The following EXTL3 variants were observed in gnomAD, a reference collection of about 807,000 sequenced individuals.
The protein encoded by EXTL3 is exostosin like glycosyltransferase 3.
EXTL3 carries 27 observed loss-of-function variants against 69.3 expected under a neutral mutation model. The ratio of observed to expected loss-of-function variants is 0.39; its 90% CI spans 0.29 to 0.54. EXTL3 has a LOEUF of 0.54. Ranked by LOEUF, EXTL3 falls within the 20% of genes least tolerant of loss-of-function variation. The pLI is 0.69. For missense variants in EXTL3, 1,003 were observed against 1,231.8 expected, an observed-to-expected ratio of 0.81 and a Z score of 2.78; for synonymous variants, 511 against 499.4, an observed-to-expected ratio of 1.02 and a Z score of -0.31.
chr8:28,690,985 G>A (rs1800605954), intron 1 of EXTL3, among the ~76,000 whole-genome samples: 1 of 152,148 alleles, frequency 6.6e-6, no homozygotes, highest in African/African-American at 2.4e-5. Context: ...TATTGCAGGG[G>A]TGAAGTTGGG....
At chr8:28,713,197 A>G (rs1033454899) in intron 1 of EXTL3, among the ~76,000 whole-genome samples, 2 of 152,252 alleles carry the variant, frequency 1.3e-5, no homozygotes, top group African/African-American at 2.4e-5. Context: ...GCACATAAAT[A>G]GGTAACGTCT....
chr8:28,671,682 C>T (rs1158708427), intron 1 of EXTL3, among the ~76,000 whole-genome samples: 2 of 152,184 alleles, frequency 1.3e-5, no homozygotes. Context: ...TGGCTGCCCC[C>T]TTTAATCAAA....
chr8:28,672,210 G>T (rs536795471), intron 1 of EXTL3, among the ~76,000 whole-genome samples: 5 of 152,164 alleles, frequency 3.3e-5, no homozygotes, highest in African/African-American at 1.2e-4. Context: ...GAGGTCAGGA[G>T]ATCGAGACCA....
rs1033149740 is a variant in EXTL3 at position 28,751,002 on chromosome 8, G to C, written c.*136G>C. 1 of 742,212 alleles carries C rather than the reference G, an allele frequency of 1.3e-6. No homozygotes were observed. The highest frequency in any genetic ancestry group is 2.2e-6 in the Non-Finnish European group (1 of 445,186). 46.0% of individuals were successfully genotyped at this position (742,212 alleles called of 1,614,324 possible). On this transcript the variant is annotated 3_prime_UTR_variant, in exon 7 of 7. Coordinates refer to ENST00000220562, the MANE Select transcript of EXTL3 (RefSeq NM_001440.4). Reference sequence around the variant, plus strand: ...TCTGCTGGAAGGGGCAGCAGGAGGAGTGGAAGGAAACCGCTGCCTTTATCT... The same window carrying C: ...TCTGCTGGAAGGGGCAGCAGGAGGACTGGAAGGAAACCGCTGCCTTTATCT...
chr8:28,615,614 C>T (rs1055793576), intron 2 of EXTL3, among the ~76,000 whole-genome samples: 4 of 152,144 alleles, frequency 2.6e-5, no homozygotes, highest in Admixed American at 6.5e-5. Context: ...GTCACCCAGG[C>T]TGGAGTGCAG....
At chr8:28,609,904 A>G (rs1585212832) in intron 2 of EXTL3, among the ~76,000 whole-genome samples, 1 of 124,860 alleles carries the variant, frequency 8.0e-6, no homozygotes, top group Admixed American at 7.4e-5. Context: ...AAATAATTAA[A>G]AAAAAAAAAA....
At chr8:28,658,766 A>T (rs545550263) in intron 1 of EXTL3, among the ~76,000 whole-genome samples, 1 of 152,164 alleles carries the variant, frequency 6.6e-6, no homozygotes, top group South Asian at 2.1e-4. Flanking sequence ...TTTTTAGTAG[A>T]GATGGGGTTG....
chr8:28,702,577 C>T (rs1395065352), intron 1 of EXTL3, among the ~76,000 whole-genome samples: 15 of 148,944 alleles, frequency 1.0e-4, no homozygotes, highest in Admixed American at 2.0e-4. Context: ...CCGCACCACC[C>T]CACCCCCGCC....
At chr8:28,734,100 G>A (rs1292620577) in intron 4 of EXTL3, among the ~76,000 whole-genome samples, 1 of 152,148 alleles carries the variant, frequency 6.6e-6, no homozygotes. Context: ...TTACAGGCAT[G>A]AGCCACCGCA....
chr8:28,716,375 G>A lies in EXTL3; in HGVS notation c.316G>A (p.Glu106Lys), dbSNP rs763152974. 4 of 1,613,822 alleles carry A rather than the reference G, an allele frequency of 2.5e-6. No homozygotes were observed. Among genetic ancestry groups the A allele is most frequent in the African/African-American group, 1.3e-5 (1 of 74,936 alleles). ...LEAKRQELNS[E>K]IAKLNLKIEA... The stretch of plus-strand genomic sequence containing the variant: ...GGCCAAGCGCCAAGAGCTGAACAGC[G>A]AGATCGCCAAGCTGAATCTGAAGAT... The change falls in exon 3 of 7, where the codon GAG becomes AAG. Residue 106 changes from glutamate (E) to lysine (K), a missense_variant. Physicochemically the swap from Glu to Lys is moderately conservative, Grantham distance 56. Around this residue, in one of 2 missense-constraint regions of EXTL3, gnomAD observed 742 missense variants for 815.4 expected, o/e 0.91. Coordinates refer to ENST00000220562, the MANE Select transcript of EXTL3 (RefSeq NM_001440.4). The surrounding 1 kb of genome is among the most constrained non-coding windows in gnomAD (Gnocchi z 7.1).
chr8:28,716,339 C>T lies in EXTL3; in HGVS notation c.280C>T (p.Leu94=), dbSNP rs377363064. ...RIRESVSEEL[L]QLEAKRQELN... ...CCGGGAGTCGGTGAGTGAAGAGCTC[C>T]TGCAGCTGGAGGCCAAGCGCCAAGA... is the stretch of plus-strand genomic sequence containing the variant. Residue 94 remains leucine, a synonymous_variant, in exon 3 of 7, where the codon CTG becomes TTG. Coordinates refer to ENST00000220562, the MANE Select transcript of EXTL3 (RefSeq NM_001440.4). This position sits in a 1 kb window ranked among gnomAD's most constrained non-coding sequence, Gnocchi z 7.1. 6 of 1,614,010 alleles carry T rather than the reference C, an allele frequency of 3.7e-6. No homozygotes were observed. Among genetic ancestry groups the T allele is most frequent in the Non-Finnish European group, 5.1e-6 (6 of 1,180,038 alleles).
In EXTL3 at chr8:28,731,507, G is replaced by A. The variant is rs527659657; in HGVS notation, c.2276+157G>A. 6.6e-5 allele frequency among the ~76,000 whole-genome samples: 10 copies of A among 152,296 alleles called. No homozygotes were observed. In the South Asian group the frequency reaches 1.9e-3, roughly 28 times the overall value. On this transcript the variant is annotated intron_variant, in intron 4 of 6. Transcript: ENST00000220562. Reference sequence around the variant, plus strand: ...GGCTGGATGCAGGCTCGTAGATGGCGTTGGAGGAGTCCATCTCTCTTCATC... The same window carrying A: ...GGCTGGATGCAGGCTCGTAGATGGCATTGGAGGAGTCCATCTCTCTTCATC...
chr8:28,628,523 T>G (rs1289066206), intron 1 of EXTL3, among the ~76,000 whole-genome samples: 1 of 152,196 alleles, frequency 6.6e-6, no homozygotes, highest in Non-Finnish European at 1.5e-5. Context: ...GAGCGAGACC[T>G]CATCGCTTCA....
Position 28,716,238 on chromosome 8 carries a change from C to T in EXTL3, c.179C>T (p.Ala60Val), listed in dbSNP as rs369033887. The T allele has an allele frequency of 1.9e-6, 3 of 1,614,096 alleles. No individual in the cohort carries two copies. The highest frequency in any genetic ancestry group is 4.5e-5 in the East Asian group (2 of 44,898). The change falls in exon 3 of 7, where the codon GCA (alanine) becomes GTA (valine). Residue 60 changes from alanine to valine, a missense_variant. Ala to Val is a moderately conservative substitution (Grantham distance 64). Transcript: ENST00000220562. This position sits in a 1 kb window ranked among gnomAD's most constrained non-coding sequence, Gnocchi z 7.1. ...YLTTLDEADE[A>V]GKRIFGPRVG... is the part of the protein sequence containing the mutation. ...ACCACTCTGGATGAGGCTGATGAGG[C>T]AGGCAAGCGGATTTTTGGTCCCCGG...
chr8:28,720,608 C>T (rs902164626), intron 3 of EXTL3, among the ~76,000 whole-genome samples: 13 of 152,170 alleles, frequency 8.5e-5, no homozygotes, highest in African/African-American at 3.1e-4. Flanking sequence ...ATTGCCACCA[C>T]CCTTGAACAC....
chr8:28,710,224 A>G (rs1452938502), intron 1 of EXTL3: 1 of 321,960 alleles, frequency 3.1e-6, no homozygotes, highest in Non-Finnish European at 6.1e-6. Flanking sequence ...CCACTGGAAA[A>G]AGGATTATCA....
intron 4 of EXTL3, among the ~76,000 whole-genome samples, chr8:28,734,974 A>G (rs1801614661): frequency 6.6e-6 from 1 of 152,112 alleles, no homozygotes; most frequent in Non-Finnish European, 1.5e-5. Flanking sequence ...AAATTAGAAC[A>G]TCTGTTCTTA....
intron 1 of EXTL3, among the ~76,000 whole-genome samples, chr8:28,672,059 A>G (rs941025006): frequency 6.6e-6 from 1 of 152,160 alleles, no homozygotes; most frequent in Non-Finnish European, 1.5e-5. Flanking sequence ...TCCCTTAAGT[A>G]GCAAAGAGGA....
chr8:28,713,554 A>G lies in EXTL3; in HGVS notation c.-476+4A>G. On this transcript the variant is annotated splice_donor_region_variant and intron_variant, in intron 2 of 6. Transcript: ENST00000220562. ...AGGAAGGGTCCTGAAACACATGGTG[A>G]GGAAGGAATGAGTCAGCTGGATTGC... 1.4e-6 allele frequency: 1 copy of G among 702,376 alleles called. No individual in the cohort carries two copies. The highest frequency in any genetic ancestry group is 1.7e-5 in the African/African-American group (1 of 57,356). 43.5% of individuals were successfully genotyped at this position (702,376 alleles called of 1,614,324 possible).
Sources: gnomAD v4.1 joint callset for allele counts (sites outside exome capture counted in the v4.1 genomes callset) on GRCh38, gnomAD v4.1.1 for gene constraint, gnomAD v4.1.1 regional missense constraint, Gnocchi (gnomAD v3.1) non-coding constraint, MANE v1.5 for transcripts, NCBI Gene and HGNC (gene_info 2026-07-23, HGNC 2026-07-21) for gene names.